The following BBS4 variants were observed in gnomAD, a reference collection of about 807,000 sequenced individuals.
The protein encoded by BBS4 is BBSome complex member BBS4.
In BBS4, 58 loss-of-function variants were observed where a neutral mutation model predicts 71.4. The observed-to-expected ratio is 0.81, with a 90% CI of 0.66 to 1.01. The LOEUF (loss-of-function observed/expected upper bound fraction) is 1.01. BBS4 is among the 50% of genes least tolerant of loss of function. BBS4 has a pLI of 0.00. For synonymous variants in BBS4, 228 were observed against 216.8 expected, an observed-to-expected ratio of 1.05 and a Z score of -0.46; for missense variants, 660 against 607.9, an observed-to-expected ratio of 1.09 and a Z score of -0.90.
At position 72,735,192 on chromosome 15, in the gene BBS4, TTG is replaced by T; in HGVS notation, c.1106+12_1106+13del. 3.7e-6 allele frequency: 6 copies of T among 1,609,334 alleles called. No homozygotes were observed. The highest frequency in any genetic ancestry group is 5.1e-6 in the Non-Finnish European group (6 of 1,176,032). ...CAGTCCACCTGGATAAGTATGCACT[TTG>T]TTGAGAATGGTACTGGCGGGGGTTG... On this transcript the variant is annotated intron_variant, in intron 13 of 15. Coordinates refer to ENST00000268057, the MANE Select transcript of BBS4 (RefSeq NM_033028.5).
At chr15:72,737,373 G>A in intron 15 of BBS4, 105 bp from the exon 16 acceptor site, 1 of 987,778 alleles carries the variant, frequency 1.0e-6, no homozygotes, top group Non-Finnish European at 1.6e-6. Flanking sequence ...CAGTCCCACT[G>A]GTTCCAGAAA....
At chr15:72,698,466 TCATGTAAGGTGAA>T (rs1245124870) in intron 2 of BBS4, among the ~76,000 whole-genome samples, 1 of 152,210 alleles carries the variant, frequency 6.6e-6, no homozygotes, top group East Asian at 1.9e-4. Flanking sequence ...TCTAGGTTTT[TCATGTAAGGTGAA>T]TCATACAATA....
At chr15:72,693,598 G>T (rs917118607) in intron 1 of BBS4, among the ~76,000 whole-genome samples, 14 of 152,230 alleles carry the variant, frequency 9.2e-5, no homozygotes, top group African/African-American at 3.4e-4. Flanking sequence ...CACAAATTTT[G>T]TTTATAGACA....
intron 2 of BBS4, among the ~76,000 whole-genome samples, chr15:72,697,133 A>G (rs1306416644): frequency 6.6e-6 from 1 of 151,824 alleles, no homozygotes; most frequent in Non-Finnish European, 1.5e-5. Flanking sequence ...GGGTTTCACC[A>G]CGTTGGCCAG....
intron 6 of BBS4, among the ~76,000 whole-genome samples, chr15:72,722,188 T>C (rs139707770): frequency 1.3e-5 from 2 of 152,366 alleles, no homozygotes; most frequent in East Asian, 1.9e-4. Context: ...ATTTGGCCCA[T>C]GGACCATAGT....
Position 72,724,643 on chromosome 15 carries a change from A to G in BBS4, c.575A>G (p.Lys192Arg). 1 of 1,614,056 alleles carries G rather than the reference A, an allele frequency of 6.2e-7. No homozygotes were observed. Among genetic ancestry groups the G allele is most frequent in the Non-Finnish European group, 8.5e-7 (1 of 1,179,920 alleles). The change falls in exon 8 of 16, where the codon AAG (lysine) becomes AGG (arginine). Residue 192 changes from lysine (K) to arginine (R), a missense_variant. Lys to Arg is a conservative substitution (Grantham distance 26). Coordinates refer to ENST00000268057, the MANE Select transcript of BBS4 (RefSeq NM_033028.5). ...GDLDKAIEVY[K>R]KAVEFSPENT... is the part of the protein sequence containing the mutation. ...TTGGACAAGGCCATTGAAGTCTACA[A>G]GAAAGCAGTGGAGTAAGTGTATCTG...
intron 3 of BBS4, among the ~76,000 whole-genome samples, chr15:72,710,367 A>G (rs1555499227): frequency 6.6e-6 from 1 of 151,300 alleles, no homozygotes; most frequent in East Asian, 1.9e-4. Context: ...TGCCCAGCTA[A>G]TTTTTTGTAT....
intron 1 of BBS4, among the ~76,000 whole-genome samples, chr15:72,694,477 A>G (rs796325176): frequency 3.9e-5 from 6 of 152,180 alleles, no homozygotes; most frequent in African/African-American, 1.4e-4. Context: ...TTTGTTGGTA[A>G]TCTGGTGATA....
At chr15:72,712,590 T>C (rs1412616571) in intron 4 of BBS4, among the ~76,000 whole-genome samples, 1 of 152,218 alleles carries the variant, frequency 6.6e-6, no homozygotes, top group Admixed American at 6.5e-5. Flanking sequence ...TACCGAATAC[T>C]GTAGGCAGTT....
At chr15:72,735,239 G>T in intron 13 of BBS4, 57 bp downstream of exon 13, 1 of 1,364,634 alleles carries the variant, frequency 7.3e-7, no homozygotes, top group African/African-American at 1.4e-5. Flanking sequence ...AAGCCATGAG[G>T]TGGTGCCATA....
chr15:72,704,116 T>C (rs933681117), intron 2 of BBS4, among the ~76,000 whole-genome samples: 11 of 152,168 alleles, frequency 7.2e-5, no homozygotes, highest in Admixed American at 7.2e-4. Flanking sequence ...GTTGCTAGGT[T>C]GCCAGCCTTC....
intron 12 of BBS4, among the ~76,000 whole-genome samples, chr15:72,732,497 C>T (rs1277261603): frequency 6.6e-6 from 1 of 152,156 alleles, no homozygotes; most frequent in African/African-American, 2.4e-5. Context: ...AGACCCAAAG[C>T]AGATTTCCAT....
chr15:72,723,501 C>A (rs117128674), intron 7 of BBS4, among the ~76,000 whole-genome samples: 3,887 of 152,246 alleles, frequency 0.026, 57 homozygotes, highest in Non-Finnish European at 0.036. Flanking sequence ...CTTCATAGAG[C>A]TCACAGTTAG....
intron 5 of BBS4, 131 bp downstream of exon 5, chr15:72,715,533 G>A (rs1595928290): frequency 1.4e-6 from 1 of 730,662 alleles, no homozygotes; most frequent in Non-Finnish European, 2.5e-6. Flanking sequence ...AATAGGTACA[G>A]TGGGATTCAC....
In BBS4 at chr15:72,737,522, C is replaced by T. The variant is rs1808492; in HGVS notation, c.1495C>T (p.Leu499=). The change falls in exon 16 of 16, where the codon CTG becomes TTG. Residue 499 remains leucine (L), a synonymous_variant. Coordinates refer to ENST00000268057, the MANE Select transcript of BBS4 (RefSeq NM_033028.5). Reference sequence around the variant, plus strand: ...GTTCACAAAGCCCCCATCTCTTCCTCTGGAGCCAGAGCCTGCGGTGGAATC... The same window carrying T: ...GTTCACAAAGCCCCCATCTCTTCCTTTGGAGCCAGAGCCTGCGGTGGAATC... ...SQFTKPPSLP[L]EPEPAVESSP... is the part of the protein sequence containing the mutation. 6.2e-7 allele frequency: 1 copy of T among 1,613,272 alleles called. No homozygotes were observed. The highest frequency in any genetic ancestry group is 1.7e-5 in the Admixed American group (1 of 59,908).
At chr15:72,709,100 C>T (rs996050351) in intron 2 of BBS4, among the ~76,000 whole-genome samples, 8 of 152,204 alleles carry the variant, frequency 5.3e-5, no homozygotes, top group African/African-American at 1.9e-4. Context: ...CCCTTTGAGG[C>T]ATGTGATCTT....
chr15:72,737,452 G>A (rs752389335), intron 15 of BBS4, 26 bp from the exon 16 acceptor site: 11 of 1,558,176 alleles, frequency 7.1e-6, no homozygotes, highest in Non-Finnish European at 9.7e-6. Context: ...GGAACATGAG[G>A]ATTCAAGTTT....
intron 3 of BBS4, among the ~76,000 whole-genome samples, chr15:72,710,205 T>G (rs1358027232): frequency 7.1e-6 from 1 of 141,246 alleles, no homozygotes; most frequent in African/African-American, 2.6e-5. Flanking sequence ...GTTTTTTTTT[T>G]TTTTTTTTTT....
chr15:72,695,864 A>G (rs1416847443), intron 2 of BBS4, among the ~76,000 whole-genome samples: 1 of 152,162 alleles, frequency 6.6e-6, no homozygotes, highest in African/African-American at 2.4e-5. Flanking sequence ...GTGGGTAGAG[A>G]ACATTCTTTA....
Sources: gnomAD v4.1 joint callset for allele counts (sites outside exome capture counted in the v4.1 genomes callset) on GRCh38, gnomAD v4.1.1 for gene constraint, MANE v1.5 for transcripts, NCBI Gene and HGNC (gene_info 2026-07-23, HGNC 2026-07-21) for gene names.